Variants in AGBL1 observed in about 807,000 individuals in gnomAD.
AGBL1 encodes the protein cytosolic carboxypeptidase 4.
In AGBL1, 130 loss-of-function variants were observed where a neutral mutation model predicts 118.9. That is an observed-to-expected ratio of 1.09 (90% CI 0.95 to 1.26). AGBL1 has a LOEUF of 1.26. Ranked by LOEUF, AGBL1 falls within the 50% of genes most tolerant of loss-of-function variation. The pLI is 0.00. For missense variants in AGBL1, 1,584 were observed against 1,298.1 expected, an observed-to-expected ratio of 1.22 and a Z score of -3.38; for synonymous variants, 555 against 478.9, an observed-to-expected ratio of 1.16 and a Z score of -2.08.
chr15:86,624,137 T>C (rs1048187487), intron 21 of AGBL1, among the ~76,000 whole-genome samples: 2 of 152,278 alleles, frequency 1.3e-5, no homozygotes, highest in South Asian at 4.2e-4. Context: ...ATCATCTAAT[T>C]GTCCTATAAT....
chr15:86,636,534 A>T (rs917457289), intron 21 of AGBL1, among the ~76,000 whole-genome samples: 5 of 150,388 alleles, frequency 3.3e-5, no homozygotes, highest in African/African-American at 4.9e-5. Flanking sequence ...TTTAAAAAAA[A>T]TTCCTATTAG....
At chr15:86,667,041 T>C (rs1003672763) in intron 21 of AGBL1, among the ~76,000 whole-genome samples, 1 of 152,198 alleles carries the variant, frequency 6.6e-6, no homozygotes, top group Non-Finnish European at 1.5e-5. Context: ...TTTCTTCTGT[T>C]CTCTGCCCTT....
chr15:86,134,642 C>G (rs539814622), intron 1 of AGBL1, among the ~76,000 whole-genome samples: 1 of 114,828 alleles, frequency 8.7e-6, no homozygotes. Context: ...GAGATGGCAT[C>G]TCACTCTGTC....
In AGBL1 at chr15:86,895,570, G is replaced by A. The variant is rs532901149; in HGVS notation, c.3159-11517G>A. On this transcript the variant is annotated intron_variant, in intron 22 of 22. Coordinates refer to ENST00000614907, the MANE Select transcript of AGBL1 (RefSeq NM_001386094.1). Reference sequence around the variant, plus strand: ...TTTTGAGTATAGAATTGCAGTTTGGGGTTCATTTTCCCTCAGCATTGACAA... The same window carrying A: ...TTTTGAGTATAGAATTGCAGTTTGGAGTTCATTTTCCCTCAGCATTGACAA... Among the ~76,000 whole-genome samples, 31 of 151,382 alleles carry A rather than the reference G, an allele frequency of 2.0e-4. No homozygotes were observed. In the South Asian group the frequency reaches 4.0e-3, roughly 19 times the overall value.
chr15:86,684,463 C>CTTTTTTTTTT (rs11436174), intron 22 of AGBL1, among the ~76,000 whole-genome samples: 1 of 145,994 alleles, frequency 6.8e-6, no homozygotes. Flanking sequence ...ATAGTTCTCT[C>CTTTTTTTTTT]TTTTTTTTTT....
intron 18 of AGBL1, among the ~76,000 whole-genome samples, chr15:86,512,586 A>T (rs1000145226): frequency 6.6e-6 from 1 of 151,556 alleles, no homozygotes; most frequent in Non-Finnish European, 1.5e-5. Flanking sequence ...ATATCACTAG[A>T]TTATCTCTTG....
chr15:86,749,085 A>G (rs1353528292), intron 22 of AGBL1, among the ~76,000 whole-genome samples: 4 of 152,148 alleles, frequency 2.6e-5, no homozygotes, highest in Non-Finnish European at 5.9e-5. Flanking sequence ...GATTGAATTT[A>G]TAAATTACCT....
intron 5 of AGBL1, among the ~76,000 whole-genome samples, chr15:86,175,667 C>G (rs1597495580): frequency 6.6e-6 from 1 of 152,282 alleles, no homozygotes; most frequent in Non-Finnish European, 1.5e-5. Context: ...ACCACTTTTA[C>G]TGTATTCCAC....
At chr15:86,135,380 C>G (rs1390101994) in intron 1 of AGBL1, among the ~76,000 whole-genome samples, 3 of 152,216 alleles carry the variant, frequency 2.0e-5, no homozygotes, top group African/African-American at 7.2e-5. Flanking sequence ...ATTACCCAAT[C>G]TCAAGCTTTA....
At chr15:86,995,174 G>A (rs749180724) in intron 24 of AGBL1, among the ~76,000 whole-genome samples, 1 of 152,118 alleles carries the variant, frequency 6.6e-6, no homozygotes, top group Non-Finnish European at 1.5e-5. Context: ...GATCGCTTGA[G>A]CCCAGGAGTT....
At chr15:86,561,393 A>G (rs866586981) in intron 21 of AGBL1, among the ~76,000 whole-genome samples, 1 of 152,222 alleles carries the variant, frequency 6.6e-6, no homozygotes, top group African/African-American at 2.4e-5. Flanking sequence ...CAGTTTTCCC[A>G]GCACCATTTA....
intron 17 of AGBL1, among the ~76,000 whole-genome samples, chr15:86,390,637 G>A (rs1255135892): frequency 6.8e-6 from 1 of 147,144 alleles, no homozygotes; most frequent in Non-Finnish European, 1.5e-5. Flanking sequence ...AAGAAGCCAG[G>A]CAGAAAAGTT....
At chr15:86,165,460 ATAG>A (rs1300422748) in intron 5 of AGBL1, among the ~76,000 whole-genome samples, 4 of 152,126 alleles carry the variant, frequency 2.6e-5, no homozygotes, top group Non-Finnish European at 5.9e-5. Context: ...TTATCTGATC[ATAG>A]TAACTGATAG....
chr15:86,175,295 C>T (rs559960936), intron 5 of AGBL1, among the ~76,000 whole-genome samples: 1 of 151,980 alleles, frequency 6.6e-6, no homozygotes, highest in Admixed American at 6.5e-5. Context: ...TTCTGATTTG[C>T]TAGCATATAG....
intron 21 of AGBL1, among the ~76,000 whole-genome samples, chr15:86,614,298 C>G (rs1468382986): frequency 6.6e-6 from 1 of 152,196 alleles, no homozygotes; most frequent in Admixed American, 6.5e-5. Context: ...TTGTCACTTT[C>G]TTCCAGCCCT....
At chr15:86,692,492 C>T (rs1201467372) in intron 22 of AGBL1, among the ~76,000 whole-genome samples, 2 of 152,038 alleles carry the variant, frequency 1.3e-5, no homozygotes, top group African/African-American at 4.8e-5. Flanking sequence ...GGAACTGCAG[C>T]CTTAGGTCAC....
intron 1 of AGBL1, among the ~76,000 whole-genome samples, chr15:86,102,093 T>G (rs2141502395): frequency 6.6e-6 from 1 of 151,538 alleles, no homozygotes; most frequent in East Asian, 1.9e-4. Flanking sequence ...CAGGCTGGAG[T>G]GCAGTGGTGT....
intron 22 of AGBL1, among the ~76,000 whole-genome samples, chr15:86,721,358 T>A (rs1170228752): frequency 1.3e-5 from 2 of 152,142 alleles, no homozygotes; most frequent in Non-Finnish European, 2.9e-5. Flanking sequence ...TGCAAATCAA[T>A]AAACATAATC....
At chr15:86,259,202 C>T (rs912955065) in intron 9 of AGBL1, among the ~76,000 whole-genome samples, 1 of 152,216 alleles carries the variant, frequency 6.6e-6, no homozygotes, top group African/African-American at 2.4e-5. Flanking sequence ...GTACCTACCT[C>T]ATTACCCTCC....
Sources: allele counts gnomAD v4.1 joint callset (sites outside exome capture counted in the v4.1 genomes callset), GRCh38; gene constraint gnomAD v4.1.1; transcripts MANE v1.5; gene names NCBI Gene and HGNC (gene_info 2026-07-23, HGNC 2026-07-21).